The following PLXNA2 variants were observed in gnomAD, a reference collection of about 807,000 sequenced individuals.
PLXNA2 encodes plexin A2.
A neutral mutation model predicts 193.5 loss-of-function variants in PLXNA2; 91 were observed. The ratio of observed to expected loss-of-function variants is 0.47; its 90% CI spans 0.40 to 0.56. The LOEUF is 0.56. PLXNA2 is among the 20% of genes least tolerant of loss of function. The probability of loss-of-function intolerance (pLI) is 0.00; values close to 1 mark genes in which losing one functional copy is unlikely to be tolerated. For synonymous variants in PLXNA2, 997 were observed against 1,027.3 expected (o/e 0.97, Z 0.56); for missense variants, 1,995 against 2,503.2 (o/e 0.80, Z 4.33).
chr1:208,136,529 G>T (rs1419690002), intron 4 of PLXNA2, among the ~76,000 whole-genome samples: 1 of 152,198 alleles, frequency 6.6e-6, no homozygotes, highest in Non-Finnish European at 1.5e-5. Context: ...AGGCTCACAG[G>T]TTCCTCCTCC....
At position 208,160,178 on chromosome 1, in the gene PLXNA2, T is replaced by C. The variant is rs555529289; in HGVS notation, c.1372-17715A>G. 7.4e-4 allele frequency among the ~76,000 whole-genome samples: 112 copies of C among 151,926 alleles called. 2 individuals are homozygous for C. Among genetic ancestry groups the C allele is most frequent in the South Asian group, 1.9e-3 (9 of 4,806 alleles). ...TCTGCTACCAGAGATAGATAGCATG[T>C]TTTTTCTCTGTCCCTTCTTCCCTTC... On this transcript the variant is annotated intron_variant, in intron 3 of 31. Transcript: ENST00000367033.
intron 3 of PLXNA2, among the ~76,000 whole-genome samples, chr1:208,198,393 GA>G (rs538767983): frequency 4.5e-4 from 69 of 152,362 alleles, no homozygotes; most frequent in African/African-American, 1.5e-3. Context: ...ATGCATGGGT[GA>G]TGGGCCCTGG....
chr1:208,056,293 A>G (rs1201535637), intron 13 of PLXNA2, among the ~76,000 whole-genome samples: 1 of 152,238 alleles, frequency 6.6e-6, no homozygotes, highest in African/African-American at 2.4e-5. Context: ...GGGAGTAGGT[A>G]AGTTTCTCTC....
rs1664991998 is a variant in PLXNA2, at chr1:208,044,652, C to T, written c.3730G>A (p.Ala1244Thr). 1 of 1,613,970 alleles carries T rather than the reference C, an allele frequency of 6.2e-7. No homozygotes were observed. Among genetic ancestry groups the T allele is most frequent in the South Asian group, 1.1e-5 (1 of 91,078 alleles). Residue 1244 changes from alanine (A) to threonine (T), a missense_variant, in exon 20 of 32, where the codon GCC becomes ACC. Ala to Thr is a moderately conservative substitution (Grantham distance 58). Coordinates refer to ENST00000367033, the MANE Select transcript of PLXNA2 (RefSeq NM_025179.4). The surrounding 1 kb of genome is among the most constrained non-coding windows in gnomAD (Gnocchi z 4.9). The part of the protein sequence containing the change: ...LTLPAIVSIA[A>T]GGSLLLIIVI... ...ATGATGAGGAGGAGGCTGCCGCCGG[C>T]CGCGATGCTGACGATGGCTGGCAGG...
intron 17 of PLXNA2, among the ~76,000 whole-genome samples, chr1:208,047,022 G>T (rs1012352060): frequency 1.2e-4 from 18 of 152,082 alleles, no homozygotes; most frequent in African/African-American, 4.3e-4. Context: ...GTGCAGTGGT[G>T]CGATCTCAGC....
chr1:208,225,753 A>G (rs1671489294), intron 1 of PLXNA2, among the ~76,000 whole-genome samples: 2 of 152,188 alleles, frequency 1.3e-5, no homozygotes, highest in Admixed American at 1.3e-4. Flanking sequence ...AGGTGATGTA[A>G]AGAGACATCC....
chr1:208,238,864 A>AACGGC (rs2102650578), intron 1 of PLXNA2, among the ~76,000 whole-genome samples: 1 of 152,318 alleles, frequency 6.6e-6, no homozygotes, highest in African/African-American at 2.4e-5. Flanking sequence ...TGCTGATAAG[A>AACGGC]ACGGCAAGGG....
chr1:208,071,997 G>A (rs1349576855), intron 12 of PLXNA2, among the ~76,000 whole-genome samples: 2 of 152,158 alleles, frequency 1.3e-5, no homozygotes, highest in Admixed American at 6.5e-5. Context: ...GAATCTAGGC[G>A]AAACCAATCT....
At chr1:208,040,494 G>T (rs1035335742) in intron 22 of PLXNA2, among the ~76,000 whole-genome samples, 5 of 152,150 alleles carry the variant, frequency 3.3e-5, no homozygotes, top group African/African-American at 4.8e-5. Flanking sequence ...TATCTGGAAG[G>T]TGCCTGGTCC....
chr1:208,066,024 T>TG (rs1211758730), intron 12 of PLXNA2, among the ~76,000 whole-genome samples: 3 of 151,866 alleles, frequency 2.0e-5, no homozygotes, highest in Non-Finnish European at 4.4e-5. Flanking sequence ...TTTGACAGTT[T>TG]GGGGGGTGTA....
chr1:208,050,221 G>A (rs1224957015), intron 17 of PLXNA2, among the ~76,000 whole-genome samples: 5 of 152,246 alleles, frequency 3.3e-5, no homozygotes, highest in Non-Finnish European at 7.3e-5. Flanking sequence ...TGCCAGCCAC[G>A]GGCTGGCAGG....
At chr1:208,096,234 G>C (rs904842007) in intron 7 of PLXNA2, 109 bp from the exon 8 acceptor site, 5 of 819,166 alleles carry the variant, frequency 6.1e-6, no homozygotes, top group Non-Finnish European at 1.0e-5. Context: ...GCTCTCTTAG[G>C]ATGTAGATAC....
intron 4 of PLXNA2, among the ~76,000 whole-genome samples, chr1:208,105,761 A>T (rs1667251862): frequency 6.6e-6 from 1 of 152,046 alleles, no homozygotes; most frequent in African/African-American, 2.4e-5. Flanking sequence ...CCCCCTCCAA[A>T]CCACTCTCTG....
At chr1:208,051,165 C>T (rs1665247540) in intron 16 of PLXNA2, 63 bp from the exon 17 acceptor site, 2 of 1,595,070 alleles carry the variant, frequency 1.3e-6, no homozygotes, top group Middle Eastern at 1.8e-4. Context: ...GGTGAACCTC[C>T]ACCTTAGGGA....
At chr1:208,149,926 C>T (rs762658196) in intron 3 of PLXNA2, among the ~76,000 whole-genome samples, 7 of 152,104 alleles carry the variant, frequency 4.6e-5, no homozygotes, top group Admixed American at 6.6e-5. Context: ...TTGCTGGCCC[C>T]GCCCTCTGAG....
chr1:208,156,844 CA>C (rs1416145942), intron 3 of PLXNA2, among the ~76,000 whole-genome samples: 1 of 152,134 alleles, frequency 6.6e-6, no homozygotes. Context: ...GTGAGAGCTC[CA>C]GAAAGCCGTA....
intron 3 of PLXNA2, among the ~76,000 whole-genome samples, chr1:208,184,767 G>A (rs1030669362): frequency 4.6e-5 from 7 of 151,678 alleles, no homozygotes; most frequent in African/African-American, 1.2e-4. Context: ...ACACACACAC[G>A]CCTCATGCAG....
At position 208,027,364 on chromosome 1, in the gene PLXNA2, A is replaced by C. The variant is rs1177375157; in HGVS notation, c.5590-26T>G. 3 of 1,594,560 alleles carry C rather than the reference A, an allele frequency of 1.9e-6. No homozygotes were observed. In the South Asian group the frequency reaches 3.3e-5, roughly 18 times the overall value. On this transcript the variant is annotated intron_variant, in intron 31 of 31. Transcript: ENST00000367033. ...CTGAGGAGCAAAAACAAAGGCAGGA[A>C]GACTTCAGGACTCAGAATAGAAGAC...
intron 6 of PLXNA2, 150 bp downstream of exon 6, chr1:208,098,696 T>C: frequency 1.2e-6 from 1 of 817,304 alleles, no homozygotes; most frequent in Non-Finnish European, 1.9e-6. Flanking sequence ...ACAATAGGCA[T>C]TGCCATACGT....
Sources: gnomAD v4.1 joint callset for allele counts (sites outside exome capture counted in the v4.1 genomes callset) on GRCh38, gnomAD v4.1.1 for gene constraint, Gnocchi (gnomAD v3.1) non-coding constraint, MANE v1.5 for transcripts, NCBI Gene and HGNC (gene_info 2026-07-23, HGNC 2026-07-21) for gene names.